Variants in CEP57L1 observed in about 807,000 individuals in gnomAD.
The protein encoded by CEP57L1 is centrosomal protein CEP57L1.
CEP57L1 carries 37 observed loss-of-function variants against 61.0 expected under a neutral mutation model. The observed-to-expected ratio is 0.61, with a 90% CI of 0.47 to 0.80. CEP57L1 has a LOEUF of 0.80. Ranked by LOEUF, CEP57L1 falls within the 30% of genes least tolerant of loss-of-function variation. CEP57L1 has a pLI of 0.00. For synonymous variants in CEP57L1, 137 were observed against 162.3 expected (o/e 0.84, Z 1.19); for missense variants, 422 against 524.7 (o/e 0.80, Z 1.91).
In CEP57L1 at chr6:109,142,447, A is replaced by G. The variant is rs1375778422; in HGVS notation, c.-3-2772A>G. Among the ~76,000 whole-genome samples the G allele has an allele frequency of 2.6e-5, 4 of 152,088 alleles. No individual in the cohort carries two copies. In the South Asian group the frequency reaches 6.2e-4, roughly 24 times the overall value. On this transcript the variant is annotated intron_variant, in intron 1 of 10. Coordinates refer to ENST00000517392, the MANE Select transcript of CEP57L1 (RefSeq NM_001271852.3). ...GGACACAGAGAGGGGAACAACATAC[A>G]CCAGGGCCTGTGGGTGGTAAGGGGA...
chr6:109,147,530 C>G (rs915640706), intron 3 of CEP57L1, among the ~76,000 whole-genome samples: 2 of 152,154 alleles, frequency 1.3e-5, no homozygotes, highest in Non-Finnish European at 2.9e-5. Context: ...ACACTACACT[C>G]ATCCTCATAA....
chr6:109,174,113 A>AAAAAAAAAAAAAC lies in CEP57L1; in HGVS notation c.*11144_*11145insAAAAAAAAAAACA. 6.6e-6 allele frequency among the ~76,000 whole-genome samples: 1 copy of AAAAAAAAAAAAAC among 151,868 alleles called. No individual in the cohort carries two copies. Among genetic ancestry groups the AAAAAAAAAAAAAC allele is most frequent in the African/African-American group, 2.4e-5 (1 of 41,304 alleles). On this transcript the variant is annotated 3_prime_UTR_variant, in exon 11 of 11. Transcript: ENST00000517392. ...AGTCTTGGTCTCAAAAAAAAAAAAA[A>AAAAAAAAAAAAAC]ACCTTGTGTTGGAAACCATCTCCAA...
chr6:109,163,131 G>A lies in CEP57L1; in HGVS notation c.*161G>A, dbSNP rs1026825909. On this transcript the variant is annotated 3_prime_UTR_variant, in exon 11 of 11. Coordinates refer to ENST00000517392, the MANE Select transcript of CEP57L1 (RefSeq NM_001271852.3). The stretch of plus-strand genomic sequence containing the variant: ...TTAAAAATTAATGCCTAATGACCTG[G>A]TGGGTTCCAAATAATAAATTAATTG... The A allele has an allele frequency of 1.1e-5, 6 of 563,658 alleles. No homozygotes were observed. The highest frequency in any genetic ancestry group is 9.5e-5 in the African/African-American group (5 of 52,380). The allele number at this position is 563,658 out of a possible 1,614,324, so 34.9% of individuals were successfully genotyped here.
chr6:109,171,498 G>C lies in CEP57L1; in HGVS notation c.*8528G>C, dbSNP rs754281518. The stretch of plus-strand genomic sequence containing the variant: ...GACCTTAGGTGAACTGCCCGCCTCA[G>C]CCTCCCAAAGTGCTGGGATTACAGG... On this transcript the variant is annotated 3_prime_UTR_variant, in exon 11 of 11. Coordinates refer to ENST00000517392, the MANE Select transcript of CEP57L1 (RefSeq NM_001271852.3). Among the ~76,000 whole-genome samples, 1 of 151,822 alleles carries C rather than the reference G, an allele frequency of 6.6e-6. No homozygotes were observed. The highest frequency in any genetic ancestry group is 1.5e-5 in the Non-Finnish European group (1 of 67,984).
intron 1 of CEP57L1, among the ~76,000 whole-genome samples, chr6:109,138,881 T>C (rs112376417): frequency 2.6e-5 from 4 of 152,356 alleles, no homozygotes; most frequent in African/African-American, 7.2e-5. Flanking sequence ...AACAATTCTT[T>C]TCCTTCGTCA....
intron 1 of CEP57L1, among the ~76,000 whole-genome samples, chr6:109,104,874 A>G (rs148185713): frequency 6.6e-6 from 1 of 152,310 alleles, no homozygotes; most frequent in East Asian, 1.9e-4. Flanking sequence ...GACATGAGCC[A>G]CTGCACTGGG....
rs202070350 is a variant in CEP57L1, at chr6:109,169,226, CAAAAAA to C, written c.*6272_*6277del. Among the ~76,000 whole-genome samples the C allele has an allele frequency of 2.7e-4, 18 of 67,544 alleles. No individual in the cohort carries two copies. Among genetic ancestry groups the C allele is most frequent in the Non-Finnish European group, 5.0e-4 (18 of 35,672 alleles). The allele number at this position is 67,544 out of a possible 152,430, so 44.3% of individuals were successfully genotyped here. A position where few individuals can be genotyped will look rare whatever the true frequency, so the allele number is the denominator to read the frequency against. ...GAGCAGCAGAGTGAGGCTCCATCAG[CAAAAAA>C]AAAAAAAAAAAAAAAGATCAGAGTG... On this transcript the variant is annotated 3_prime_UTR_variant, in exon 11 of 11. Coordinates refer to ENST00000517392, the MANE Select transcript of CEP57L1 (RefSeq NM_001271852.3).
chr6:109,126,154 C>T (rs143584580), intron 1 of CEP57L1, among the ~76,000 whole-genome samples: 104 of 152,080 alleles, frequency 6.8e-4, no homozygotes, highest in African/African-American at 2.5e-3. Flanking sequence ...CTTTGCAGAG[C>T]GTAGGAATTT....
intron 1 of CEP57L1, among the ~76,000 whole-genome samples, chr6:109,131,854 T>C (rs1774238110): frequency 6.6e-6 from 1 of 152,068 alleles, no homozygotes; most frequent in Non-Finnish European, 1.5e-5. Flanking sequence ...TTTAAAGAAG[T>C]AGTCCTGCTT....
intron 1 of CEP57L1, among the ~76,000 whole-genome samples, chr6:109,102,600 G>C (rs1770443394): frequency 6.6e-6 from 1 of 151,786 alleles, no homozygotes; most frequent in Non-Finnish European, 1.5e-5. Flanking sequence ...CTGTCTTCCA[G>C]AACTTTTACA....
chr6:109,145,430 A>C, intron 2 of CEP57L1, 49 bp downstream of exon 2: 3 of 1,305,186 alleles, frequency 2.3e-6, no homozygotes, highest in Non-Finnish European at 3.1e-6. Flanking sequence ...GCTATAAAAA[A>C]CTTTTCATAT....
At chr6:109,125,349 T>C (rs1406231887) in intron 1 of CEP57L1, among the ~76,000 whole-genome samples, 9 of 151,928 alleles carry the variant, frequency 5.9e-5, no homozygotes, top group Non-Finnish European at 2.9e-5. Flanking sequence ...AATAGCTCAT[T>C]CCTCCTTAGG....
At chr6:109,110,565 A>G (rs1016855386) in intron 1 of CEP57L1, among the ~76,000 whole-genome samples, 2 of 152,124 alleles carry the variant, frequency 1.3e-5, no homozygotes, top group African/African-American at 4.8e-5. Flanking sequence ...TTTTGTTGCC[A>G]TTGCTTTTGG....
chr6:109,110,541 C>A (rs551835618), intron 1 of CEP57L1, among the ~76,000 whole-genome samples: 3 of 152,214 alleles, frequency 2.0e-5, no homozygotes, highest in South Asian at 2.1e-4. Context: ...AGATCCAATT[C>A]GTCAATTTTT....
chr6:109,127,433 A>C (rs569707852), intron 1 of CEP57L1, among the ~76,000 whole-genome samples: 2 of 151,970 alleles, frequency 1.3e-5, no homozygotes, highest in Non-Finnish European at 2.9e-5. Flanking sequence ...TGTTCTTTAT[A>C]TTTCAGGGAG....
At chr6:109,122,379 A>T (rs1378075926) in intron 1 of CEP57L1, among the ~76,000 whole-genome samples, 2 of 151,950 alleles carry the variant, frequency 1.3e-5, no homozygotes, top group African/African-American at 4.8e-5. Flanking sequence ...TTTATATTGC[A>T]TTTGTACCCC....
In CEP57L1 at chr6:109,163,331, T is replaced by A. The variant is rs1253849672; in HGVS notation, c.*361T>A. The A allele has an allele frequency of 6.0e-6, 1 of 167,148 alleles. No homozygotes were observed. The highest frequency in any genetic ancestry group is 1.3e-5 in the Non-Finnish European group (1 of 77,890). The allele number at this position is 167,148 out of a possible 1,614,324, so 10.4% of individuals were successfully genotyped here. A position where few individuals can be genotyped will look rare whatever the true frequency, so the allele number is the denominator to read the frequency against. On this transcript the variant is annotated 3_prime_UTR_variant, in exon 11 of 11. Transcript: ENST00000517392. The stretch of plus-strand genomic sequence containing the variant: ...TCATTCCACTTTTCATTTAGTAGGT[T>A]TGGAACCTTAAAAACCAATGTTCAA...
rs1774487439 is a variant in CEP57L1, at chr6:109,173,354, T to C, written c.*10384T>C. Among the ~76,000 whole-genome samples the C allele has an allele frequency of 6.6e-6, 1 of 151,682 alleles. No individual in the cohort carries two copies. Among genetic ancestry groups the C allele is most frequent in the African/African-American group, 2.4e-5 (1 of 41,370 alleles). On this transcript the variant is annotated 3_prime_UTR_variant, in exon 11 of 11. Transcript: ENST00000517392. Reference sequence around the variant, plus strand: ...CCTTCCAGTTTATTCAAGGGTGGCCTATTGAGAGTTTGAGATAAAGAAGAA... The same window carrying C: ...CCTTCCAGTTTATTCAAGGGTGGCCCATTGAGAGTTTGAGATAAAGAAGAA...
At chr6:109,133,057 A>C (rs1279712271) in intron 1 of CEP57L1, among the ~76,000 whole-genome samples, 1 of 152,130 alleles carries the variant, frequency 6.6e-6, no homozygotes, top group Non-Finnish European at 1.5e-5. Context: ...ATTATCTTTG[A>C]ATTGTTCTTC....
Sources: allele counts gnomAD v4.1 joint callset (sites outside exome capture counted in the v4.1 genomes callset), GRCh38; gene constraint gnomAD v4.1.1; transcripts MANE v1.5; gene names NCBI Gene and HGNC (gene_info 2026-07-23, HGNC 2026-07-21).